Variants in TCAIM observed in about 807,000 individuals in gnomAD.
TCAIM encodes the protein T-cell activation inhibitor, mitochondrial.
Under a neutral mutation model 58.6 loss-of-function variants are expected in TCAIM, and 36 were observed. The ratio of observed to expected loss-of-function variants is 0.61; its 90% CI spans 0.47 to 0.81. The LOEUF is 0.81. Ranked by LOEUF, TCAIM falls within the 30% of genes least tolerant of loss-of-function variation. TCAIM has a pLI of 0.00. For missense variants in TCAIM, 466 were observed against 579.6 expected (o/e 0.80, Z 2.01); for synonymous variants, 172 against 193.6 (o/e 0.89, Z 0.93).
intron 4 of TCAIM, among the ~76,000 whole-genome samples, chr3:44,365,045 A>G (rs1701352230): frequency 6.6e-6 from 1 of 152,166 alleles, no homozygotes; most frequent in African/African-American, 2.4e-5. Context: ...ATGTTGGATT[A>G]AATAATGAGC....
intron 5 of TCAIM, among the ~76,000 whole-genome samples, chr3:44,379,726 G>C (rs896939578): frequency 6.6e-6 from 1 of 152,100 alleles, no homozygotes; most frequent in Non-Finnish European, 1.5e-5. Context: ...TAACTAGAGC[G>C]GGGAGGGAGA....
intron 1 of TCAIM, among the ~76,000 whole-genome samples, chr3:44,352,620 T>C (rs1284256028): frequency 6.6e-6 from 1 of 152,202 alleles, no homozygotes; most frequent in South Asian, 2.1e-4. Flanking sequence ...TCAATCTACA[T>C]TGACACATCC....
intron 1 of TCAIM, among the ~76,000 whole-genome samples, chr3:44,344,493 C>T (rs1048368884): frequency 6.6e-6 from 1 of 152,180 alleles, no homozygotes; most frequent in African/African-American, 2.4e-5. Context: ...GGAAATTCAA[C>T]ATCAAGATGT....
chr3:44,347,530 A>G (rs1700995392), intron 1 of TCAIM, among the ~76,000 whole-genome samples: 1 of 152,084 alleles, frequency 6.6e-6, no homozygotes, highest in African/African-American at 2.4e-5. Flanking sequence ...GAACAGAATA[A>G]TGGGTGGTGG....
chr3:44,370,935 G>A (rs1256813599), intron 5 of TCAIM, among the ~76,000 whole-genome samples: 8 of 138,306 alleles, frequency 5.8e-5, no homozygotes, highest in African/African-American at 2.1e-4. Context: ...TTTTAAAGAT[G>A]GAGTCTCACT....
chr3:44,346,207 A>G (rs1181726318), intron 1 of TCAIM, among the ~76,000 whole-genome samples: 2 of 152,188 alleles, frequency 1.3e-5, no homozygotes, highest in Non-Finnish European at 2.9e-5. Flanking sequence ...TGAGGACGGT[A>G]AGGGGAAGGT....
Position 44,398,553 on chromosome 3 carries a change from A to G in TCAIM, c.885+1719A>G, listed in dbSNP as rs537491630. On this transcript the variant is annotated intron_variant, in intron 8 of 10. Transcript: ENST00000342649. Reference sequence around the variant, plus strand: ...AGGACGGCTAAAATGAAAAATAGTTACATGCTGATAAGAATGCAGAAAAAA... The same window carrying G: ...AGGACGGCTAAAATGAAAAATAGTTGCATGCTGATAAGAATGCAGAAAAAA... 5.3e-5 allele frequency among the ~76,000 whole-genome samples: 8 copies of G among 152,292 alleles called. No individual in the cohort carries two copies. The South Asian group carries it at 1.7e-3, about 32-fold the overall frequency.
At chr3:44,348,432 C>T (rs968891716) in intron 1 of TCAIM, among the ~76,000 whole-genome samples, 1 of 152,228 alleles carries the variant, frequency 6.6e-6, no homozygotes, top group African/African-American at 2.4e-5. Flanking sequence ...AGGAGGAATC[C>T]TGGGCTGCAG....
upstream of TCAIM, chr3:44,338,289 C>G (rs1700759547): frequency 2.0e-5 from 3 of 152,430 alleles, no homozygotes; most frequent in African/African-American, 2.4e-5. Context: ...AAGCTCTCAG[C>G]CGAGCGCGCC....
intron 5 of TCAIM, among the ~76,000 whole-genome samples, chr3:44,383,914 T>G (rs1701695084): frequency 6.6e-6 from 1 of 151,932 alleles, no homozygotes; most frequent in South Asian, 2.1e-4. Flanking sequence ...GACCCTGTCT[T>G]TAAAAAAAGA....
intron 4 of TCAIM, among the ~76,000 whole-genome samples, chr3:44,364,204 G>T (rs1453480284): frequency 6.6e-6 from 1 of 150,450 alleles, no homozygotes. Flanking sequence ...TGGTGTTACA[G>T]GCATGAGCCA....
intron 5 of TCAIM, among the ~76,000 whole-genome samples, chr3:44,372,440 T>C (rs1161791025): frequency 6.6e-6 from 1 of 152,178 alleles, no homozygotes; most frequent in African/African-American, 2.4e-5. Context: ...TAATTCATCT[T>C]CATTACATGT....
chr3:44,380,291 C>G (rs752442054), intron 5 of TCAIM, among the ~76,000 whole-genome samples: 10 of 152,052 alleles, frequency 6.6e-5, no homozygotes, highest in Admixed American at 1.3e-4. Context: ...TGGAATGTTT[C>G]TACAATAAAA....
chr3:44,354,130 A>G (rs900717913), intron 1 of TCAIM, among the ~76,000 whole-genome samples: 1 of 152,164 alleles, frequency 6.6e-6, no homozygotes, highest in African/African-American at 2.4e-5. Flanking sequence ...ATTTTTTCGC[A>G]TGTGGATGTA....
intron 1 of TCAIM, among the ~76,000 whole-genome samples, chr3:44,348,979 G>GTAAGC (rs1701030145): frequency 6.6e-6 from 1 of 152,162 alleles, no homozygotes; most frequent in East Asian, 1.9e-4. Context: ...GAACGAAACT[G>GTAAGC]TAAGCTGGAC....
chr3:44,397,700 C>G (rs1348234251), intron 8 of TCAIM, among the ~76,000 whole-genome samples: 1 of 152,022 alleles, frequency 6.6e-6, no homozygotes, highest in African/African-American at 2.4e-5. Flanking sequence ...AAAAAACTGC[C>G]AACACTTAAC....
At chr3:44,346,526 A>G (rs1178811507) in intron 1 of TCAIM, among the ~76,000 whole-genome samples, 1 of 152,136 alleles carries the variant, frequency 6.6e-6, no homozygotes, top group Non-Finnish European at 1.5e-5. Context: ...GGCCTGAACA[A>G]TCCCTGAGGA....
At chr3:44,376,186 G>C (rs1701562784) in intron 5 of TCAIM, among the ~76,000 whole-genome samples, 1 of 152,158 alleles carries the variant, frequency 6.6e-6, no homozygotes, top group South Asian at 2.1e-4. Context: ...CTATTAATGG[G>C]TATGTGATTT....
At position 44,348,293 on chromosome 3, in the gene TCAIM, G is replaced by C. The variant is rs568379148; in HGVS notation, c.-44-6446G>C. On this transcript the variant is annotated intron_variant, in intron 1 of 10. Coordinates refer to ENST00000342649, the MANE Select transcript of TCAIM (RefSeq NM_173826.4). ...GGCAGCATCAGTCTTCAGCCACTAA[G>C]CTGAGAAGATCTGGGAAGGAGTCAG... 3.5e-3 allele frequency among the ~76,000 whole-genome samples: 532 copies of C among 152,372 alleles called. 3 individuals are homozygous for C. The highest frequency in any genetic ancestry group is 0.012 in the African/African-American group (504 of 41,592).
Sources: gnomAD v4.1 joint callset for allele counts (sites outside exome capture counted in the v4.1 genomes callset) on GRCh38, gnomAD v4.1.1 for gene constraint, MANE v1.5 for transcripts, NCBI Gene and HGNC (gene_info 2026-07-23, HGNC 2026-07-21) for gene names.